The following SCN11A variants were observed in gnomAD, a reference collection of about 807,000 sequenced individuals.
The protein encoded by SCN11A is sodium channel protein type 11 subunit alpha.
In SCN11A, 122 loss-of-function variants were observed where a neutral mutation model predicts 162.2. That is an observed-to-expected ratio of 0.75 (90% CI 0.65 to 0.87). SCN11A has a LOEUF of 0.87. Among genes scored for constraint, SCN11A ranks in the 40% least tolerant of loss-of-function variants. The pLI, the probability that SCN11A is intolerant of heterozygous loss-of-function variation, is 0.00. For missense variants in SCN11A, 2,015 were observed against 2,181.6 expected, an observed-to-expected ratio of 0.92 and a Z score of 1.52; for synonymous variants, 758 against 751.5, an observed-to-expected ratio of 1.01 and a Z score of -0.14.
chr3:38,947,046 A>G (rs1414793489), intron 5 of SCN11A, 139 bp from the exon 6 acceptor site: 1 of 600,900 alleles, frequency 1.7e-6, no homozygotes, highest in Non-Finnish European at 2.9e-6. Flanking sequence ...TATTTACCCA[A>G]TGGGATACTC....
chr3:39,034,590 T>A (rs2031853719), intron 1 of SCN11A, among the ~76,000 whole-genome samples: 1 of 152,176 alleles, frequency 6.6e-6, no homozygotes, highest in East Asian at 1.9e-4. Context: ...AATATTTTAA[T>A]AGTAGTCAGT....
chr3:38,953,190 A>G (rs2125579966), intron 4 of SCN11A, among the ~76,000 whole-genome samples: 2 of 152,252 alleles, frequency 1.3e-5, no homozygotes, highest in South Asian at 4.2e-4. Flanking sequence ...TCTCACTTAT[A>G]AGTGGGAGCT....
chr3:38,900,042 C>A lies in SCN11A; in HGVS notation c.1874G>T (p.Cys625Phe). ...GGGATCGAGCGCAATGATTTTTAGG[C>A]ACATTTCTGCTATAAAAATGCTAGT... ...VFTSIFIAEM[C>F]LKIIALDPYH... The change falls in exon 17 of 30, where the codon TGC (cysteine) becomes TTC (phenylalanine). Residue 625 changes from cysteine (C) to phenylalanine (F), a missense_variant. Coordinates refer to ENST00000302328, the MANE Select transcript of SCN11A (RefSeq NM_001349253.2). 1 of 1,613,960 alleles carries A rather than the reference C, an allele frequency of 6.2e-7. No homozygotes were observed. Among genetic ancestry groups the A allele is most frequent in the Non-Finnish European group, 8.5e-7 (1 of 1,179,942 alleles).
chr3:39,021,268 C>G (rs2031443657), intron 2 of SCN11A, among the ~76,000 whole-genome samples: 1 of 152,004 alleles, frequency 6.6e-6, no homozygotes, highest in African/African-American at 2.4e-5. Flanking sequence ...TTGGTGAAGT[C>G]TCTAGGTAGA....
At chr3:38,872,839 C>A (rs1290257054) in intron 23 of SCN11A, among the ~76,000 whole-genome samples, 1 of 152,034 alleles carries the variant, frequency 6.6e-6, no homozygotes, top group Admixed American at 6.6e-5. Flanking sequence ...AATGACAAAG[C>A]AGATGGGTGA....
At chr3:38,901,179 C>A (rs1392600017) in intron 16 of SCN11A, among the ~76,000 whole-genome samples, 1 of 151,894 alleles carries the variant, frequency 6.6e-6, no homozygotes, top group African/African-American at 2.4e-5. Flanking sequence ...ATAAATGATT[C>A]AATGATTTAC....
intron 2 of SCN11A, among the ~76,000 whole-genome samples, chr3:39,028,855 T>A (rs781537108): frequency 2.6e-5 from 4 of 152,094 alleles, no homozygotes; most frequent in Non-Finnish European, 5.9e-5. Flanking sequence ...ATTAATGTCT[T>A]CATGAAGGCA....
intron 7 of SCN11A, among the ~76,000 whole-genome samples, chr3:38,930,038 C>T (rs1215552571): frequency 1.3e-5 from 2 of 151,782 alleles, no homozygotes; most frequent in Non-Finnish European, 2.9e-5. Flanking sequence ...TATCTGCTGT[C>T]TCAAAAAAAA....
At chr3:38,998,823 C>A (rs1468884138) in intron 2 of SCN11A, among the ~76,000 whole-genome samples, 2 of 145,472 alleles carry the variant, frequency 1.4e-5, no homozygotes, top group Admixed American at 7.1e-5. Flanking sequence ...AACCAAACAC[C>A]ACATGTTCTC....
intron 9 of SCN11A, 99 bp downstream of exon 9, chr3:38,925,316 G>C (rs976566045): frequency 1.3e-6 from 1 of 766,020 alleles, no homozygotes; most frequent in African/African-American, 1.8e-5. Context: ...AGCAGGCTTT[G>C]TTTGTTTTTG....
rs998143033 is a variant in SCN11A, at chr3:38,966,056, G to A, written c.-279-5633C>T. On this transcript the variant is annotated intron_variant, in intron 2 of 29. Transcript: ENST00000302328. ...TGAAAAAATATATATCACTGGTAGA[G>A]GCAGCTGGCTTAGTACCTGAGATCA... Among the ~76,000 whole-genome samples the A allele has an allele frequency of 1.3e-5, 2 of 152,196 alleles. 1 individual carries two copies. Among genetic ancestry groups the A allele is most frequent in the Admixed American group, 1.3e-4 (2 of 15,288 alleles).
chr3:38,927,149 G>T (rs907608343), intron 7 of SCN11A, among the ~76,000 whole-genome samples: 1 of 152,132 alleles, frequency 6.6e-6, no homozygotes, highest in Admixed American at 6.6e-5. Flanking sequence ...TTGTGAAGCT[G>T]CATTTCAAGG....
intron 2 of SCN11A, among the ~76,000 whole-genome samples, chr3:39,010,326 G>C (rs1271504568): frequency 6.6e-6 from 1 of 151,468 alleles, no homozygotes; most frequent in African/African-American, 2.4e-5. Flanking sequence ...TTTTGTTGAA[G>C]ATGAAAGCTG....
chr3:38,952,145 A>G (rs899455474), intron 4 of SCN11A, among the ~76,000 whole-genome samples: 1 of 152,174 alleles, frequency 6.6e-6, no homozygotes, highest in African/African-American at 2.4e-5. Flanking sequence ...GCACTGCCTT[A>G]AGAGCCGTAA....
At chr3:38,990,392 C>A (rs951908577) in intron 2 of SCN11A, among the ~76,000 whole-genome samples, 2 of 152,026 alleles carry the variant, frequency 1.3e-5, no homozygotes, top group Non-Finnish European at 2.9e-5. Flanking sequence ...TATGTGGGCA[C>A]AAAGGAGTGA....
Position 38,930,040 on chromosome 3 carries a change from C to CA in SCN11A, c.489-3110dup, listed in dbSNP as rs545156695. Among the ~76,000 whole-genome samples the CA allele has an allele frequency of 5.4e-4, 81 of 149,828 alleles. 1 individual carries two copies. In the South Asian group the frequency reaches 7.8e-3, roughly 14 times the overall value. On this transcript the variant is annotated intron_variant, in intron 7 of 29. Transcript: ENST00000302328. ...TTATTTCCCTTTTTATCTGCTGTCT[C>CA]AAAAAAAAAATCTCGTATCTTTTGT...
chr3:38,963,144 T>C (rs889785514), intron 2 of SCN11A, among the ~76,000 whole-genome samples: 3 of 150,648 alleles, frequency 2.0e-5, no homozygotes, highest in Non-Finnish European at 1.5e-5. Context: ...AGTGTGGAAA[T>C]TCCTTAAAGA....
chr3:38,858,869 A>G (rs1249980971), intron 28 of SCN11A, among the ~76,000 whole-genome samples: 1 of 152,150 alleles, frequency 6.6e-6, no homozygotes, highest in Non-Finnish European at 1.5e-5. Context: ...TCCAAAAGGA[A>G]CCTTCAAAAC....
intron 2 of SCN11A, among the ~76,000 whole-genome samples, chr3:38,984,759 C>T (rs1338833090): frequency 6.6e-6 from 1 of 152,140 alleles, no homozygotes; most frequent in Non-Finnish European, 1.5e-5. Context: ...GATCCGCCCA[C>T]CTTGGCCTCC....
Sources: gnomAD v4.1 joint callset for allele counts (sites outside exome capture counted in the v4.1 genomes callset) on GRCh38, gnomAD v4.1.1 for gene constraint, MANE v1.5 for transcripts, NCBI Gene and HGNC (gene_info 2026-07-23, HGNC 2026-07-21) for gene names.